The following TCAIM variants were observed in gnomAD, a reference collection of about 807,000 sequenced individuals.
TCAIM encodes the protein T cell activation inhibitor, mitochondrial, also known as T-cell activation inhibitor, mitochondrial.
In TCAIM, 36 loss-of-function variants were observed where a neutral mutation model predicts 58.6. The observed-to-expected ratio is 0.61, with a 90% CI of 0.47 to 0.81. The LOEUF is 0.81. Ranked by LOEUF, TCAIM falls within the 30% of genes least tolerant of loss-of-function variation. The pLI is 0.00. For synonymous variants in TCAIM, 172 were observed against 193.6 expected, an observed-to-expected ratio of 0.89 and a Z score of 0.93; for missense variants, 466 against 579.6, an observed-to-expected ratio of 0.80 and a Z score of 2.01.
At chr3:44,347,304 A>G (rs1249484852) in intron 1 of TCAIM, among the ~76,000 whole-genome samples, 2 of 152,196 alleles carry the variant, frequency 1.3e-5, no homozygotes, top group East Asian at 3.9e-4. Context: ...AAGGTCATCA[A>G]AATACTTAAT....
chr3:44,350,204 G>T (rs1415825430), intron 1 of TCAIM, among the ~76,000 whole-genome samples: 1 of 152,136 alleles, frequency 6.6e-6, no homozygotes, highest in Admixed American at 6.5e-5. Context: ...AAACGGGGTT[G>T]TTCTCTTGAG....
intron 5 of TCAIM, among the ~76,000 whole-genome samples, chr3:44,378,919 G>A (rs1220841850): frequency 6.6e-6 from 1 of 152,070 alleles, no homozygotes; most frequent in Non-Finnish European, 1.5e-5. Context: ...AGCACTTTGG[G>A]AGGCCAAAGT....
intron 8 of TCAIM, among the ~76,000 whole-genome samples, chr3:44,397,763 A>T (rs757870773): frequency 5.3e-5 from 8 of 152,194 alleles, no homozygotes; most frequent in South Asian, 4.1e-4. Context: ...GTACAATCTC[A>T]TTCAATGTGT....
intron 9 of TCAIM, 113 bp from the exon 10 acceptor site, chr3:44,401,090 G>A: frequency 6.9e-7 from 1 of 1,447,336 alleles, no homozygotes; most frequent in African/African-American, 1.4e-5. Context: ...TACTTTTGAG[G>A]TGGCTTTTCT....
At chr3:44,395,343 A>G (rs1701917075) in intron 6 of TCAIM, among the ~76,000 whole-genome samples, 1 of 152,214 alleles carries the variant, frequency 6.6e-6, no homozygotes, top group African/African-American at 2.4e-5. Context: ...AGAAGAACCT[A>G]CGTTTCTTGA....
intron 9 of TCAIM, 157 bp from the exon 10 acceptor site, chr3:44,401,046 T>G: frequency 1.9e-6 from 2 of 1,060,044 alleles, no homozygotes; most frequent in Non-Finnish European, 1.3e-6. Context: ...AAGTGTGTCT[T>G]TGGGGGCAGC....
At chr3:44,398,099 AG>A (rs1428099898) in intron 8 of TCAIM, among the ~76,000 whole-genome samples, 1 of 152,094 alleles carries the variant, frequency 6.6e-6, no homozygotes, top group Non-Finnish European at 1.5e-5. Flanking sequence ...ATGTTGCCAA[AG>A]AGAACGTACA....
chr3:44,338,898 T>C (rs1400440445), intron 1 of TCAIM, 64 bp downstream of exon 1: 1 of 151,758 alleles, frequency 6.6e-6, no homozygotes, highest in Non-Finnish European at 1.5e-5. Context: ...GGAAGCGGGG[T>C]CGGAGGGGAG....
At chr3:44,394,711 T>C (rs1349823316) in intron 6 of TCAIM, among the ~76,000 whole-genome samples, 2 of 150,414 alleles carry the variant, frequency 1.3e-5, no homozygotes, top group African/African-American at 2.4e-5. Context: ...CTGACCAACA[T>C]GGTGAAACCC....
At chr3:44,378,082 A>G (rs575601076) in intron 5 of TCAIM, among the ~76,000 whole-genome samples, 2 of 152,354 alleles carry the variant, frequency 1.3e-5, no homozygotes, top group East Asian at 3.9e-4. Flanking sequence ...TCTATCAGGA[A>G]CTTAAGACTT....
intron 2 of TCAIM, among the ~76,000 whole-genome samples, chr3:44,356,627 C>T (rs186931808): frequency 7.9e-5 from 12 of 152,022 alleles, no homozygotes; most frequent in South Asian, 6.2e-4. Flanking sequence ...ATTTAAACAC[C>T]GTACTTTTAA....
intron 5 of TCAIM, among the ~76,000 whole-genome samples, chr3:44,386,344 G>A (rs1396212981): frequency 6.6e-6 from 1 of 152,108 alleles, no homozygotes; most frequent in Non-Finnish European, 1.5e-5. Flanking sequence ...GGCAGCAGCA[G>A]CCCATCTGGA....
chr3:44,345,954 G>A (rs1473830251), intron 1 of TCAIM, among the ~76,000 whole-genome samples: 2 of 152,126 alleles, frequency 1.3e-5, no homozygotes, highest in Non-Finnish European at 2.9e-5. Flanking sequence ...AAGATAGTAG[G>A]GATGACAAGT....
chr3:44,354,251 C>T (rs763574702), intron 1 of TCAIM, among the ~76,000 whole-genome samples: 1 of 152,208 alleles, frequency 6.6e-6, no homozygotes, highest in African/African-American at 2.4e-5. Context: ...TTTCTGGGCT[C>T]TCTATTCTGT....
chr3:44,385,018 G>A (rs1426525872), intron 5 of TCAIM, among the ~76,000 whole-genome samples: 1 of 152,216 alleles, frequency 6.6e-6, no homozygotes, highest in Non-Finnish European at 1.5e-5. Context: ...CAGCCAGAAT[G>A]CCTGCTATCA....
chr3:44,354,249 C>T (rs534287010), intron 1 of TCAIM, among the ~76,000 whole-genome samples: 1 of 152,270 alleles, frequency 6.6e-6, no homozygotes, highest in East Asian at 1.9e-4. Flanking sequence ...TATTTCTGGG[C>T]TCTCTATTCT....
At chr3:44,358,142 T>C in intron 3 of TCAIM, 1 of 1,504,688 alleles carries the variant, frequency 6.6e-7, no homozygotes, top group Non-Finnish European at 8.8e-7. Context: ...ATTTTTGAAG[T>C]ACAGTTGAGG....
intron 2 of TCAIM, among the ~76,000 whole-genome samples, chr3:44,356,356 G>A (rs867921596): frequency 2.0e-5 from 3 of 152,170 alleles, no homozygotes; most frequent in South Asian, 2.1e-4. Flanking sequence ...GCGAAACACC[G>A]TCTCTACTAA....
At chr3:44,399,668 A>G (rs1701992217) in intron 8 of TCAIM, among the ~76,000 whole-genome samples, 1 of 152,158 alleles carries the variant, frequency 6.6e-6, no homozygotes, top group Non-Finnish European at 1.5e-5. Flanking sequence ...TCCTTCCCCC[A>G]AAACATCCCT....
Sources: gnomAD v4.1 joint callset for allele counts (sites outside exome capture counted in the v4.1 genomes callset) on GRCh38, gnomAD v4.1.1 for gene constraint, MANE v1.5 for transcripts, NCBI Gene and HGNC (gene_info 2026-07-23, HGNC 2026-07-21) for gene names.